KMT2A: variants seen among roughly 807,000 people sequenced by gnomAD.
The protein encoded by KMT2A is histone-lysine N-methyltransferase 2A.
In KMT2A, 16 loss-of-function variants were observed where a neutral mutation model predicts 345.3. That is an observed-to-expected ratio of 0.05 (90% CI 0.03 to 0.07). The LOEUF (loss-of-function observed/expected upper bound fraction) is 0.07, where lower values mean the gene tolerates loss of function less well. Ranked by LOEUF, KMT2A falls within the 10% of genes least tolerant of loss-of-function variation. KMT2A has a pLI of 1.00. For synonymous variants in KMT2A, 1,599 were observed against 1,778.6 expected (o/e 0.90, Z 2.54); for missense variants, 3,272 against 4,841.6 (o/e 0.68, Z 9.62).
intron 22 of KMT2A, among the ~76,000 whole-genome samples, chr11:118,499,056 G>A (rs964737300): frequency 1.3e-5 from 2 of 152,132 alleles, no homozygotes; most frequent in African/African-American, 4.8e-5. Flanking sequence ...TTATTTAGTT[G>A]CTTTTTGAAT....
rs1949195411 is a variant in KMT2A, at chr11:118,436,881, C to T, written c.369C>T (p.Gly123=). 6.3e-7 allele frequency: 1 copy of T among 1,592,260 alleles called. No homozygotes were observed. The highest frequency in any genetic ancestry group is 1.7e-5 in the Admixed American group (1 of 57,566). The change falls in exon 1 of 36, where the codon GGC becomes GGT. Residue 123 remains glycine, a synonymous_variant. Coordinates refer to ENST00000534358, the MANE Select transcript of KMT2A (RefSeq NM_001197104.2). The surrounding 1 kb of genome is among the most constrained non-coding windows in gnomAD (Gnocchi z 6.9). ...CGCTGCAGGTCTCGGCCGCCATCGGCACCAACCTGCGCCGGTTCCGGGCCG... is the reference window on the plus strand; with the variant it reads ...CGCTGCAGGTCTCGGCCGCCATCGGTACCAACCTGCGCCGGTTCCGGGCCG... The part of the protein sequence containing the change: ...DAALQVSAAI[G]TNLRRFRAVF...
chr11:118,506,674 G>T, intron 27 of KMT2A, 28 bp downstream of exon 27: 1 of 1,542,980 alleles, frequency 6.5e-7, no homozygotes, highest in South Asian at 1.3e-5. Flanking sequence ...TAGCTAGGCT[G>T]GGTCTGTGGG....
chr11:118,437,727 G>A (rs1555139134), intron 1 of KMT2A, among the ~76,000 whole-genome samples: 1 of 149,982 alleles, frequency 6.7e-6, no homozygotes, highest in African/African-American at 2.5e-5. Context: ...ATTGGTAGCC[G>A]GGAATTACTC....
In KMT2A at chr11:118,520,974, C is replaced by T; in HGVS notation, c.11513+89C>T. 1 of 968,432 alleles carries T rather than the reference C, an allele frequency of 1.0e-6. No homozygotes were observed. Among genetic ancestry groups the T allele is most frequent in the South Asian group, 1.3e-5 (1 of 75,224 alleles). 60.0% of individuals were successfully genotyped at this position (968,432 alleles called of 1,614,324 possible). ...CCAAATGCTGGAGTGACCTTCCTCA[C>T]TCAGTAAGTGAGGATTTTACGGACA... is the stretch of plus-strand genomic sequence containing the variant. On this transcript the variant is annotated intron_variant, in intron 34 of 35. Transcript: ENST00000534358. The surrounding 1 kb of genome is among the most constrained non-coding windows in gnomAD (Gnocchi z 4.3).
intron 1 of KMT2A, among the ~76,000 whole-genome samples, chr11:118,459,602 A>G (rs1949708089): frequency 6.6e-6 from 1 of 152,196 alleles, no homozygotes; most frequent in African/African-American, 2.4e-5. Flanking sequence ...TGGAGCCTCC[A>G]TCTTAGCCTG....
intron 3 of KMT2A, among the ~76,000 whole-genome samples, chr11:118,474,948 G>A (rs922835447): frequency 6.6e-6 from 1 of 151,526 alleles, no homozygotes; most frequent in Non-Finnish European, 1.5e-5. Flanking sequence ...TGGCCAACAC[G>A]GTGAAACCTC....
chr11:118,452,098 C>A (rs1480323037), intron 1 of KMT2A, among the ~76,000 whole-genome samples: 1 of 152,034 alleles, frequency 6.6e-6, no homozygotes, highest in Non-Finnish European at 1.5e-5. Flanking sequence ...TGGCTGTTCA[C>A]AGGCATAATC....
rs113302539 is a variant in KMT2A, at chr11:118,519,433, A to T, written c.11147-185A>T. 9.3e-6 allele frequency: 5 copies of T among 537,454 alleles called. No homozygotes were observed. In the East Asian group the frequency reaches 1.4e-4, roughly 15 times the overall value. The allele number at this position is 537,454 out of a possible 1,614,324, so 33.3% of individuals were successfully genotyped here. ...TAGCCGTCTATCACAAACATTTTCC[A>T]TATTGATAGATCTGTATCAGCATCA... is the stretch of plus-strand genomic sequence containing the variant. On this transcript the variant is annotated intron_variant, in intron 31 of 35. Transcript: ENST00000534358.
rs9332840 is a variant in KMT2A at position 118,503,581 on chromosome 11, A to G, written c.7689A>G (p.Ser2563=). The change falls in exon 27 of 36, where the codon TCA becomes TCG. Residue 2563 remains serine, a synonymous_variant. Transcript: ENST00000534358. This position sits in a 1 kb window ranked among gnomAD's most constrained non-coding sequence, Gnocchi z 5.3. ...CAACATCTCCCACAGAACCAATTTCAGCCTCTGAAAATCCAGGAGATGGTC... is the reference window on the plus strand; with the variant it reads ...CAACATCTCCCACAGAACCAATTTCGGCCTCTGAAAATCCAGGAGATGGTC... ...IESTSPTEPI[S]ASENPGDGPV... is the part of the protein sequence containing the mutation. 2,671 of 1,614,190 alleles carry G rather than the reference A, an allele frequency of 1.7e-3. 34 individuals carry two copies. The African/African-American group carries it at 0.026, about 16-fold the overall frequency.
rs868982438 is a variant in KMT2A, at chr11:118,525,516, C to T, written c.*3344C>T. On this transcript the variant is annotated 3_prime_UTR_variant, in exon 36 of 36. Transcript: ENST00000534358. ...TACGTTTTCAACCAGACTCCTTTGC[C>T]GGGACCCAGCCCGCCACCCTGCTCG... 6 of 224,160 alleles carry T rather than the reference C, an allele frequency of 2.7e-5. No homozygotes were observed. Among genetic ancestry groups the T allele is most frequent in the East Asian group, 1.9e-4 (3 of 15,504 alleles). The allele number at this position is 224,160 out of a possible 1,614,324, so 13.9% of individuals were successfully genotyped here. A position where few individuals can be genotyped will look rare whatever the true frequency, so the allele number is the denominator to read the frequency against.
Position 118,510,107 on chromosome 11 carries a change from A to C in KMT2A, c.11060A>C (p.Glu3687Ala). ...SSDDGFQICA[E>A]SIEDAWKSLT... ...GATGATGGCTTTCAGATCTGTGCAG[A>C]AAGTATTGAAGGTGAGTGGATTAAA... The change falls in exon 30 of 36, where the codon GAA (glutamate) becomes GCA (alanine). Residue 3687 changes from glutamate (E) to alanine (A), a missense_variant. Coordinates refer to ENST00000534358, the MANE Select transcript of KMT2A (RefSeq NM_001197104.2). The surrounding 1 kb of genome is among the most constrained non-coding windows in gnomAD (Gnocchi z 4.1). 6.2e-7 allele frequency: 1 copy of C among 1,609,758 alleles called. No homozygotes were observed. The highest frequency in any genetic ancestry group is 8.5e-7 in the Non-Finnish European group (1 of 1,177,504).
chr11:118,484,725 G>T lies in KMT2A; in HGVS notation c.4219-137G>T. ...TCTGAGATTAAAACTTTTTAAAGCA[G>T]CAGTTATTTTTGGACTCATTGAAAT... On this transcript the variant is annotated intron_variant, in intron 9 of 35. Coordinates refer to ENST00000534358, the MANE Select transcript of KMT2A (RefSeq NM_001197104.2). This position sits in a 1 kb window ranked among gnomAD's most constrained non-coding sequence, Gnocchi z 4.1. 1.5e-6 allele frequency: 1 copy of T among 666,680 alleles called. No homozygotes were observed. Among genetic ancestry groups the T allele is most frequent in the Non-Finnish European group, 2.7e-6 (1 of 373,882 alleles). The allele number at this position is 666,680 out of a possible 1,614,324, so 41.3% of individuals were successfully genotyped here.
rs564634683 is a variant in KMT2A at position 118,483,185 on chromosome 11, A to T, written c.4086+690A>T. The stretch of plus-strand genomic sequence containing the variant: ...GAGGCGGAGGCTGCAGTGAGCCGAG[A>T]TTGCATCATTGCACTCTAGCCTGGA... On this transcript the variant is annotated intron_variant, in intron 8 of 35. Transcript: ENST00000534358. Among the ~76,000 whole-genome samples, 30 of 149,684 alleles carry T rather than the reference A, an allele frequency of 2.0e-4. No homozygotes were observed. In the South Asian group the frequency reaches 2.3e-3, roughly 12 times the overall value.
chr11:118,496,375 C>T lies in KMT2A; in HGVS notation c.5664+8C>T, dbSNP rs1555043961. The T allele has an allele frequency of 6.3e-7, 1 of 1,588,056 alleles. No individual in the cohort carries two copies. The highest frequency in any genetic ancestry group is 1.1e-5 in the South Asian group (1 of 90,592). ...GGTGATGACAGTGCTAATGTAAGTACTTTGCAACACAGGGCCCTAGTTAAT... is the reference window on the plus strand; with the variant it reads ...GGTGATGACAGTGCTAATGTAAGTATTTTGCAACACAGGGCCCTAGTTAAT... On this transcript the variant is annotated splice_region_variant and intron_variant, in intron 20 of 35. Coordinates refer to ENST00000534358, the MANE Select transcript of KMT2A (RefSeq NM_001197104.2). The surrounding 1 kb of genome is among the most constrained non-coding windows in gnomAD (Gnocchi z 4.7).
rs1325512922 is a variant in KMT2A at position 118,484,021 on chromosome 11, G to A, written c.4087-162G>A. The stretch of plus-strand genomic sequence containing the variant: ...TATTGCAGCCTAGGCAACAAAGCAA[G>A]ACCCAGTCTCTTTTAAAAAAAAATT... On this transcript the variant is annotated intron_variant, in intron 8 of 35. Coordinates refer to ENST00000534358, the MANE Select transcript of KMT2A (RefSeq NM_001197104.2). The surrounding 1 kb of genome is among the most constrained non-coding windows in gnomAD (Gnocchi z 4.1). Among the ~76,000 whole-genome samples, 1 of 152,104 alleles carries A rather than the reference G, an allele frequency of 6.6e-6. No homozygotes were observed. Among genetic ancestry groups the A allele is most frequent in the Admixed American group, 6.5e-5 (1 of 15,276 alleles).
chr11:118,438,987 T>G (rs1555139473), intron 1 of KMT2A: 1 of 469,646 alleles, frequency 2.1e-6, no homozygotes, highest in African/African-American at 2.0e-5. Context: ...TGTAGATTAT[T>G]ATTTTTTTTT....
chr11:118,486,099 G>T (rs1043412719), intron 10 of KMT2A, among the ~76,000 whole-genome samples: 1 of 151,972 alleles, frequency 6.6e-6, no homozygotes, highest in African/African-American at 2.4e-5. Context: ...AAATAAAAGT[G>T]TAGGGCATAT....
Position 118,491,412 on chromosome 11 carries a change from G to C in KMT2A, c.4819+94G>C. 1 of 1,229,168 alleles carries C rather than the reference G, an allele frequency of 8.1e-7. No individual in the cohort carries two copies. The highest frequency in any genetic ancestry group is 2.1e-4 in the Middle Eastern group (1 of 4,730). The allele number at this position is 1,229,168 out of a possible 1,614,324, so 76.1% of individuals were successfully genotyped here. On this transcript the variant is annotated intron_variant, in intron 14 of 35. Coordinates refer to ENST00000534358, the MANE Select transcript of KMT2A (RefSeq NM_001197104.2). The surrounding 1 kb of genome is among the most constrained non-coding windows in gnomAD (Gnocchi z 4.2). Reference sequence around the variant, plus strand: ...TTAAACCTAAAATTATGGTTGTGTTGTTATTTGAAATCTCTAAATTTATTT... The same window carrying C: ...TTAAACCTAAAATTATGGTTGTGTTCTTATTTGAAATCTCTAAATTTATTT...
intron 1 of KMT2A, among the ~76,000 whole-genome samples, chr11:118,445,127 C>A (rs879956418): frequency 6.6e-6 from 1 of 152,028 alleles, no homozygotes; most frequent in Non-Finnish European, 1.5e-5. Context: ...TGCATACATA[C>A]ACCTATTTGA....
Sources: allele counts gnomAD v4.1 joint callset (sites outside exome capture counted in the v4.1 genomes callset), GRCh38; gene constraint gnomAD v4.1.1; non-coding constraint Gnocchi (gnomAD v3.1); transcripts MANE v1.5; gene names NCBI Gene and HGNC (gene_info 2026-07-23, HGNC 2026-07-21).